Variants in CDK17 observed in about 807,000 individuals in gnomAD.
CDK17 encodes cyclin dependent kinase 17.
In CDK17, 24 loss-of-function variants were observed where a neutral mutation model predicts 77.6. The ratio of observed to expected loss-of-function variants is 0.31; its 90% CI spans 0.22 to 0.44. CDK17 has a LOEUF of 0.44. Among genes scored for constraint, CDK17 ranks in the 20% least tolerant of loss-of-function variants. CDK17 has a pLI of 1.00. For synonymous variants in CDK17, 203 were observed against 210.4 expected, an observed-to-expected ratio of 0.96 and a Z score of 0.30; for missense variants, 429 against 622.5, an observed-to-expected ratio of 0.69 and a Z score of 3.31.
intron 1 of CDK17, among the ~76,000 whole-genome samples, chr12:96,370,686 G>C (rs187741383): frequency 6.6e-6 from 1 of 152,118 alleles, no homozygotes; most frequent in African/African-American, 2.4e-5. Context: ...ACTGAATATT[G>C]TAATAAACTA....
At chr12:96,390,024 T>C (rs1049724367) in intron 1 of CDK17, among the ~76,000 whole-genome samples, 1 of 151,920 alleles carries the variant, frequency 6.6e-6, no homozygotes. Context: ...GAGACGGGGT[T>C]TCACCATGTG....
chr12:96,291,331 A>G (rs1388419943), intron 10 of CDK17, among the ~76,000 whole-genome samples: 1 of 152,094 alleles, frequency 6.6e-6, no homozygotes, highest in Non-Finnish European at 1.5e-5. Flanking sequence ...TTGTTCTGTC[A>G]ACCAGGCTAG....
At chr12:96,328,464 C>A (rs867289671) in intron 2 of CDK17, among the ~76,000 whole-genome samples, 1 of 152,220 alleles carries the variant, frequency 6.6e-6, no homozygotes, top group South Asian at 2.1e-4. Flanking sequence ...TTGGGGACCA[C>A]TGATACAGAT....
intron 1 of CDK17, among the ~76,000 whole-genome samples, chr12:96,398,838 A>G (rs1954212723): frequency 6.6e-6 from 1 of 152,242 alleles, no homozygotes; most frequent in African/African-American, 2.4e-5. Flanking sequence ...AAGAGGTGAT[A>G]GAACATGACC....
At chr12:96,315,746 T>C (rs1370619589) in intron 3 of CDK17, among the ~76,000 whole-genome samples, 2 of 152,142 alleles carry the variant, frequency 1.3e-5, no homozygotes, top group East Asian at 3.8e-4. Flanking sequence ...AAAGCTGTTA[T>C]ACATAAATTG....
chr12:96,394,248 A>T (rs896566916), intron 1 of CDK17, among the ~76,000 whole-genome samples: 4 of 151,716 alleles, frequency 2.6e-5, no homozygotes, highest in Admixed American at 1.3e-4. Context: ...TCCATCTCAA[A>T]AAAAAAAAAA....
rs111724316 is a variant in CDK17, at chr12:96,283,231, G to A, written c.1365+372C>T. ...TAATGTGGCTGGTACTACCCTTATC[G>A]TCCCCCCTTATTCCTGCTTTGGAGG... On this transcript the variant is annotated intron_variant, in intron 14 of 16. Transcript: ENST00000261211. Among the ~76,000 whole-genome samples, 13 of 152,134 alleles carry A rather than the reference G, an allele frequency of 8.5e-5. 1 individual carries two copies. Among genetic ancestry groups the A allele is most frequent in the African/African-American group, 2.4e-4 (10 of 41,504 alleles).
At chr12:96,304,756 C>T (rs1478054119) in intron 5 of CDK17, among the ~76,000 whole-genome samples, 1 of 152,190 alleles carries the variant, frequency 6.6e-6, no homozygotes, top group Non-Finnish European at 1.5e-5. Flanking sequence ...TAATCCTGTA[C>T]TCCTGTACAT....
chr12:96,382,635 A>G (rs1038791799), intron 1 of CDK17, among the ~76,000 whole-genome samples: 5 of 152,232 alleles, frequency 3.3e-5, no homozygotes, highest in African/African-American at 1.2e-4. Flanking sequence ...AATGGAATCC[A>G]GCAGCACATC....
chr12:96,345,844 T>A (rs966460322), intron 1 of CDK17, among the ~76,000 whole-genome samples: 1 of 152,016 alleles, frequency 6.6e-6, no homozygotes, highest in Non-Finnish European at 1.5e-5. Context: ...ATTAGCAAAG[T>A]GCAATAAAAG....
intron 1 of CDK17, among the ~76,000 whole-genome samples, chr12:96,380,501 G>T (rs937001491): frequency 6.6e-6 from 1 of 151,932 alleles, no homozygotes; most frequent in Non-Finnish European, 1.5e-5. Flanking sequence ...ATCTTGGCCA[G>T]ACTGGTCTTG....
intron 1 of CDK17, among the ~76,000 whole-genome samples, chr12:96,392,809 C>T (rs1217138697): frequency 1.3e-5 from 2 of 152,112 alleles, no homozygotes; most frequent in African/African-American, 4.8e-5. Flanking sequence ...GTGATGAGAA[C>T]AAAGCCCTAA....
At chr12:96,394,120 C>T (rs1168850922) in intron 1 of CDK17, among the ~76,000 whole-genome samples, 1 of 152,034 alleles carries the variant, frequency 6.6e-6, no homozygotes, top group Non-Finnish European at 1.5e-5. Context: ...GTGGTGCACG[C>T]CTGTAATCCC....
In CDK17 at chr12:96,286,030, G is replaced by GA. The variant is rs762271899; in HGVS notation, c.1322+12dup. On this transcript the variant is annotated intron_variant, in intron 13 of 16. Coordinates refer to ENST00000261211, the MANE Select transcript of CDK17 (RefSeq NM_002595.5). The stretch of plus-strand genomic sequence containing the variant: ...ATGTGTTTTCCCCCCTTTCACATAA[G>GA]AAAAAAAAATACCTGGGTGCGTGGT... 1.9e-3 allele frequency: 2,594 copies of GA among 1,350,380 alleles called. 4 individuals carry two copies. The highest frequency in any genetic ancestry group is 2.5e-3 in the East Asian group (101 of 40,368). 83.6% of individuals were successfully genotyped at this position (1,350,380 alleles called of 1,614,324 possible). A position where few individuals can be genotyped will look rare whatever the true frequency, so the allele number is the denominator to read the frequency against.
Position 96,280,817 on chromosome 12 carries a change from G to C in CDK17, c.1525C>G (p.Pro509Ala). 1 of 1,613,786 alleles carries C rather than the reference G, an allele frequency of 6.2e-7. No homozygotes were observed. The highest frequency in any genetic ancestry group is 8.5e-7 in the Non-Finnish European group (1 of 1,179,894). Residue 509 changes from proline to alanine, a missense_variant, in exon 16 of 17, where the codon CCA becomes GCA. Around this residue, in one of 4 missense-constraint regions of CDK17, gnomAD observed 115 missense variants for 124.2 expected, o/e 0.93. Transcript: ENST00000261211. Reference sequence around the variant, plus strand: ...TTTATGACAAACACACCTGTCTCTGGATAAGAAGAATTTCGAAAACCCGGG... The same window carrying C: ...TTTATGACAAACACACCTGTCTCTGCATAAGAAGAATTTCGAAAACCCGGG... ...KDPGFRNSSY[P>A]ETGHGKNRRQ...
intron 16 of CDK17, chr12:96,280,527 G>A (rs564006030): frequency 1.8e-5 from 26 of 1,415,818 alleles, no homozygotes; most frequent in East Asian, 1.8e-4. Flanking sequence ...CAGGGATGGC[G>A]TGTGCAGTGA....
intron 3 of CDK17, among the ~76,000 whole-genome samples, chr12:96,319,173 G>C (rs1278385879): frequency 8.6e-5 from 13 of 151,460 alleles, no homozygotes; most frequent in East Asian, 1.9e-4. Flanking sequence ...ACAAACACCT[G>C]TACGCAAATA....
At chr12:96,337,368 GTGTC>G (rs1223745319) in intron 1 of CDK17, among the ~76,000 whole-genome samples, 3 of 152,134 alleles carry the variant, frequency 2.0e-5, no homozygotes, top group Admixed American at 6.6e-5. Context: ...AGCACAGAGT[GTGTC>G]TGTCTCCCTT....
In CDK17 at chr12:96,280,257, C is replaced by T; in HGVS notation, c.1557G>A (p.Gln519=). Residue 519 remains glutamine, a synonymous_variant, in exon 17 of 17, where the codon CAG becomes CAA. Coordinates refer to ENST00000261211, the MANE Select transcript of CDK17 (RefSeq NM_002595.5). ...PETGHGKNRR[Q]SMLF The stretch of plus-strand genomic sequence containing the variant: ...GTTATCAGACTTAAAAGAGCATGCT[C>T]TGTCTTCTGTTCTTCCCATGTCCTA... The T allele has an allele frequency of 6.4e-7, 1 of 1,551,204 alleles. No homozygotes were observed. Among genetic ancestry groups the T allele is most frequent in the African/African-American group, 1.4e-5 (1 of 73,156 alleles).
Sources: gnomAD v4.1 joint callset for allele counts (sites outside exome capture counted in the v4.1 genomes callset) on GRCh38, gnomAD v4.1.1 for gene constraint, gnomAD v4.1.1 regional missense constraint, MANE v1.5 for transcripts, NCBI Gene and HGNC (gene_info 2026-07-23, HGNC 2026-07-21) for gene names.